Variants in GOLGA2 observed in about 807,000 individuals in gnomAD.
GOLGA2 encodes golgin A2.
Under a neutral mutation model 148.8 loss-of-function variants are expected in GOLGA2, and 49 were observed. That is an observed-to-expected ratio of 0.33 (90% CI 0.26 to 0.42). The LOEUF (loss-of-function observed/expected upper bound fraction) is 0.42. Among genes scored for constraint, GOLGA2 ranks in the 10% least tolerant of loss-of-function variants. The pLI is 1.00. For synonymous variants in GOLGA2, 501 were observed against 511.8 expected, an observed-to-expected ratio of 0.98 and a Z score of 0.28; for missense variants, 1,178 against 1,304.6, an observed-to-expected ratio of 0.90 and a Z score of 1.49.
At chr9:128,275,855 G>T in intron 1 of GOLGA2, 38 bp downstream of exon 1, 1 of 1,104,134 alleles carries the variant, frequency 9.1e-7, no homozygotes, top group South Asian at 1.3e-5. Context: ...GAGTGGGGCT[G>T]GGGCTGGGTC....
Position 128,258,347 on chromosome 9 carries a change from G to A in GOLGA2, c.2289+108C>T. ...TCTCACCACTGGCTCCCAGGAAAGG[G>A]GTGAGGGTCCGAAGAAATCAGAAGG... On this transcript the variant is annotated intron_variant, in intron 22 of 26. Coordinates refer to ENST00000611957, the MANE Select transcript of GOLGA2 (RefSeq NM_001366244.2). This position sits in a 1 kb window ranked among gnomAD's most constrained non-coding sequence, Gnocchi z 6.6. 4 of 1,200,076 alleles carry A rather than the reference G, an allele frequency of 3.3e-6. No homozygotes were observed. The highest frequency in any genetic ancestry group is 4.9e-6 in the Non-Finnish European group (4 of 818,846). 74.3% of individuals were successfully genotyped at this position (1,200,076 alleles called of 1,614,324 possible).
chr9:128,268,347 C>A, intron 4 of GOLGA2, 73 bp downstream of exon 4: 1 of 1,067,804 alleles, frequency 9.4e-7, no homozygotes, highest in Non-Finnish European at 1.5e-6. Flanking sequence ...AGGGAACAAG[C>A]TGCCTGTGAA....
chr9:128,266,169 G>C lies in GOLGA2; in HGVS notation c.681+118C>G, dbSNP rs913528018. 2 of 1,350,242 alleles carry C rather than the reference G, an allele frequency of 1.5e-6. No homozygotes were observed. The highest frequency in any genetic ancestry group is 1.7e-5 in the Admixed American group (1 of 59,554). The allele number at this position is 1,350,242 out of a possible 1,614,324, so 83.6% of individuals were successfully genotyped here. On this transcript the variant is annotated intron_variant, in intron 9 of 26. Coordinates refer to ENST00000611957, the MANE Select transcript of GOLGA2 (RefSeq NM_001366244.2). This position sits in a 1 kb window ranked among gnomAD's most constrained non-coding sequence, Gnocchi z 4.2. ...ACCCTGTGGGGATGGGGTGGAATCTGGGGGGGTGAGCCTTCTTCCCCAGGC... is the reference window on the plus strand; with the variant it reads ...ACCCTGTGGGGATGGGGTGGAATCTCGGGGGGTGAGCCTTCTTCCCCAGGC...
rs1829962261 is a variant in GOLGA2, at chr9:128,257,546, C to G, written c.2719-21G>C. The G allele has an allele frequency of 1.2e-6, 2 of 1,614,070 alleles. No homozygotes were observed. Among genetic ancestry groups the G allele is most frequent in the Middle Eastern group, 3.3e-4 (2 of 6,056 alleles). On this transcript the variant is annotated intron_variant, in intron 25 of 26. Coordinates refer to ENST00000611957, the MANE Select transcript of GOLGA2 (RefSeq NM_001366244.2). The surrounding 1 kb of genome is among the most constrained non-coding windows in gnomAD (Gnocchi z 8.0). ...TTCACCTGGAGGGAGGGGTGCTAAG[C>G]TGCCATGCCCATGCCCGTGCCCACC...
In GOLGA2 at chr9:128,266,688, T is replaced by C. The variant is rs1408680823; in HGVS notation, c.643-363A>G. 4 of 392,952 alleles carry C rather than the reference T, an allele frequency of 1.0e-5. No individual in the cohort carries two copies. In the East Asian group the frequency reaches 1.6e-4, roughly 16 times the overall value. 24.3% of individuals were successfully genotyped at this position (392,952 alleles called of 1,614,324 possible). ...CACACAGGCCAGGTACGGTTCTTAA[T>C]AGCAGGGATACCAGACAGAAAAAGA... On this transcript the variant is annotated intron_variant, in intron 8 of 26. Transcript: ENST00000611957. This position sits in a 1 kb window ranked among gnomAD's most constrained non-coding sequence, Gnocchi z 4.2.
rs1830585745 is a variant in GOLGA2 at position 128,266,181 on chromosome 9, C to T, written c.681+106G>A. On this transcript the variant is annotated intron_variant, in intron 9 of 26. Coordinates refer to ENST00000611957, the MANE Select transcript of GOLGA2 (RefSeq NM_001366244.2). The surrounding 1 kb of genome is among the most constrained non-coding windows in gnomAD (Gnocchi z 4.2). ...TGGGGTGGAATCTGGGGGGGTGAGC[C>T]TTCTTCCCCAGGCTGGGAGTGGGTG... 1 of 1,377,732 alleles carries T rather than the reference C, an allele frequency of 7.3e-7. No individual in the cohort carries two copies. The highest frequency in any genetic ancestry group is 1.7e-5 in the Admixed American group (1 of 59,692). The allele number at this position is 1,377,732 out of a possible 1,614,324, so 85.3% of individuals were successfully genotyped here. A position where few individuals can be genotyped will look rare whatever the true frequency, so the allele number is the denominator to read the frequency against.
At chr9:128,273,785 T>C (rs1425233355) in intron 2 of GOLGA2, 65 bp downstream of exon 2, 4 of 1,567,000 alleles carry the variant, frequency 2.6e-6, no homozygotes, top group Non-Finnish European at 2.6e-6. Context: ...TCCACAATCA[T>C]AACAATTACC....
Position 128,265,863 on chromosome 9 carries a change from C to T in GOLGA2, c.751G>A (p.Gly251Arg). The T allele has an allele frequency of 6.2e-7, 1 of 1,613,352 alleles. No homozygotes were observed. Among genetic ancestry groups the T allele is most frequent in the Non-Finnish European group, 8.5e-7 (1 of 1,179,256 alleles). ...TCAGCTTTCTCTGATACGAGGATCC[C>T]TATGGTCTGAATGTGAACCTTTGGG... ...EQLQVHIQTI[G>R]ILVSEKAELQ... The change falls in exon 11 of 27, where the codon GGG becomes AGG. Residue 251 changes from glycine to arginine, a missense_variant. Physicochemically the swap from Gly to Arg is moderately radical, Grantham distance 125 (BLOSUM62 -2). Transcript: ENST00000611957.
At position 128,271,978 on chromosome 9, in the gene GOLGA2, T is replaced by C. The variant is rs1448079283; in HGVS notation, c.288+807A>G. Among the ~76,000 whole-genome samples the C allele has an allele frequency of 6.6e-6, 1 of 151,408 alleles. No homozygotes were observed. The highest frequency in any genetic ancestry group is 1.9e-4 in the East Asian group (1 of 5,134). ...AAAATAGCTTCAATCCTTCCAACTA[T>C]AATGTGAACTCATTTTCTTTTAACC... On this transcript the variant is annotated intron_variant, in intron 3 of 26. Transcript: ENST00000611957. This position sits in a 1 kb window ranked among gnomAD's most constrained non-coding sequence, Gnocchi z 4.4.
intron 12 of GOLGA2, among the ~76,000 whole-genome samples, chr9:128,263,932 G>A (rs1830433311): frequency 6.7e-6 from 1 of 150,178 alleles, no homozygotes; most frequent in Non-Finnish European, 1.5e-5. Flanking sequence ...CGAGGGGGAC[G>A]GATTACGAGA....
chr9:128,263,782 AC>A, intron 12 of GOLGA2, among the ~76,000 whole-genome samples: 1 of 151,008 alleles, frequency 6.6e-6, no homozygotes, highest in Non-Finnish European at 1.5e-5. Context: ...TTGACTCCTG[AC>A]CTCAAGTGAT....
Position 128,261,418 on chromosome 9 carries a change from C to G in GOLGA2, c.1332+36G>C. On this transcript the variant is annotated intron_variant, in intron 16 of 26. Coordinates refer to ENST00000611957, the MANE Select transcript of GOLGA2 (RefSeq NM_001366244.2). This position sits in a 1 kb window ranked among gnomAD's most constrained non-coding sequence, Gnocchi z 5.7. The stretch of plus-strand genomic sequence containing the variant: ...TGCCCAGAAAGATCAAGTGACCTAT[C>G]TAAGGTTGAGGGGGAGCTGAAGGGT... The G allele has an allele frequency of 7.6e-7, 1 of 1,317,654 alleles. No individual in the cohort carries two copies. The highest frequency in any genetic ancestry group is 1.7e-5 in the Admixed American group (1 of 59,636). The allele number at this position is 1,317,654 out of a possible 1,614,324, so 81.6% of individuals were successfully genotyped here.
chr9:128,258,352 G>C lies in GOLGA2; in HGVS notation c.2289+103C>G. Reference sequence around the variant, plus strand: ...CCACTGGCTCCCAGGAAAGGGGTGAGGGTCCGAAGAAATCAGAAGGCCGGG... The same window carrying C: ...CCACTGGCTCCCAGGAAAGGGGTGACGGTCCGAAGAAATCAGAAGGCCGGG... On this transcript the variant is annotated intron_variant, in intron 22 of 26. Transcript: ENST00000611957. This position sits in a 1 kb window ranked among gnomAD's most constrained non-coding sequence, Gnocchi z 6.6. 5.0e-6 allele frequency: 6 copies of C among 1,212,068 alleles called. No individual in the cohort carries two copies. The highest frequency in any genetic ancestry group is 7.2e-6 in the Non-Finnish European group (6 of 828,616). 75.1% of individuals were successfully genotyped at this position (1,212,068 alleles called of 1,614,324 possible). A position where few individuals can be genotyped will look rare whatever the true frequency, so the allele number is the denominator to read the frequency against.
Position 128,258,521 on chromosome 9 carries a change from C to A in GOLGA2, c.2223G>T (p.Glu741Asp), listed in dbSNP as rs943427677. Residue 741 changes from glutamate to aspartate, a missense_variant, in exon 22 of 27, where the codon GAG (glutamate) becomes GAT (aspartate). Glu to Asp is a conservative substitution (Grantham distance 45). Coordinates refer to ENST00000611957, the MANE Select transcript of GOLGA2 (RefSeq NM_001366244.2). This position sits in a 1 kb window ranked among gnomAD's most constrained non-coding sequence, Gnocchi z 6.6. ...EEEEDEEEEE[E>D]EAVAVPQPMP... ...TGGGCTGAGGTACTGCCACCGCCTCCTCCTCCTCCTCCTCCTCATCCTCCT... is the reference window on the plus strand; with the variant it reads ...TGGGCTGAGGTACTGCCACCGCCTCATCCTCCTCCTCCTCCTCATCCTCCT... The A allele has an allele frequency of 4.5e-5, 66 of 1,481,582 alleles. No individual in the cohort carries two copies. The highest frequency in any genetic ancestry group is 5.7e-5 in the Non-Finnish European group (64 of 1,114,382). 91.8% of individuals were successfully genotyped at this position (1,481,582 alleles called of 1,614,324 possible). A position where few individuals can be genotyped will look rare whatever the true frequency, so the allele number is the denominator to read the frequency against.
At position 128,257,986 on chromosome 9, in the gene GOLGA2, C is replaced by T. The variant is rs1472025834; in HGVS notation, c.2502G>A (p.Lys834=). The part of the protein sequence containing the change: ...THRALQGAME[K]LQSRFMELMQ... ...CCAGGAGAGACTCATTCACCTGCAG[C>T]TTCTCCATGGCCCCCTGCAGGGCCC... Residue 834 remains lysine, a synonymous_variant, in exon 23 of 27, where the codon AAG becomes AAA. Transcript: ENST00000611957. This position sits in a 1 kb window ranked among gnomAD's most constrained non-coding sequence, Gnocchi z 8.0. The T allele has an allele frequency of 3.1e-6, 5 of 1,607,186 alleles. No homozygotes were observed. Among genetic ancestry groups the T allele is most frequent in the Non-Finnish European group, 4.3e-6 (5 of 1,175,682 alleles).
Position 128,260,851 on chromosome 9 carries a change from C to T in GOLGA2, c.1421-49G>A. 4 of 1,330,882 alleles carry T rather than the reference C, an allele frequency of 3.0e-6. No homozygotes were observed. Among genetic ancestry groups the T allele is most frequent in the Non-Finnish European group, 4.1e-6 (4 of 966,552 alleles). 82.4% of individuals were successfully genotyped at this position (1,330,882 alleles called of 1,614,324 possible). On this transcript the variant is annotated intron_variant, in intron 17 of 26. Coordinates refer to ENST00000611957, the MANE Select transcript of GOLGA2 (RefSeq NM_001366244.2). This position sits in a 1 kb window ranked among gnomAD's most constrained non-coding sequence, Gnocchi z 4.8. ...AAGCCTCTGGATTCTCAAAAAAACC[C>T]TCCTCTTGGTCCATACCTCCTCTCA...
At chr9:128,274,315 T>G (rs747379693) in intron 1 of GOLGA2, among the ~76,000 whole-genome samples, 3 of 152,120 alleles carry the variant, frequency 2.0e-5, no homozygotes, top group Non-Finnish European at 1.5e-5. Flanking sequence ...GATCAAAAGC[T>G]GGTTTCACGC....
chr9:128,260,707 G>A lies in GOLGA2; in HGVS notation c.1516C>T (p.Leu506=). The A allele has an allele frequency of 6.2e-7, 1 of 1,613,482 alleles. No individual in the cohort carries two copies. Among genetic ancestry groups the A allele is most frequent in the Non-Finnish European group, 8.5e-7 (1 of 1,179,916 alleles). The change falls in exon 18 of 27, where the codon CTG becomes TTG. Residue 506 remains leucine (L), a synonymous_variant. Transcript: ENST00000611957. This position sits in a 1 kb window ranked among gnomAD's most constrained non-coding sequence, Gnocchi z 4.8. Reference sequence around the variant, plus strand: ...ACCTGGGCTTGAAGCTGTCCTGCCAGACCCTCCAGCTCCTTCCGCAGGTGC... The same window carrying A: ...ACCTGGGCTTGAAGCTGTCCTGCCAAACCCTCCAGCTCCTTCCGCAGGTGC... The part of the protein sequence containing the change: ...AEHLRKELEG[L]AGQLQAQVQD...
intron 1 of GOLGA2, chr9:128,275,439 G>C (rs1020860356): frequency 3.1e-6 from 4 of 1,303,918 alleles, no homozygotes; most frequent in Non-Finnish European, 3.9e-6. Context: ...CCAGGACCCA[G>C]GTCCTTGGAG....
Sources: gnomAD v4.1 joint callset for allele counts (sites outside exome capture counted in the v4.1 genomes callset) on GRCh38, gnomAD v4.1.1 for gene constraint, Gnocchi (gnomAD v3.1) non-coding constraint, MANE v1.5 for transcripts, NCBI Gene and HGNC (gene_info 2026-07-23, HGNC 2026-07-21) for gene names.